Variants in CEP350 observed in about 807,000 individuals in gnomAD.
The protein encoded by CEP350 is centrosome-associated protein 350.
Under a neutral mutation model 331.8 loss-of-function variants are expected in CEP350, and 126 were observed. That is an observed-to-expected ratio of 0.38 (90% CI 0.33 to 0.44). The LOEUF (loss-of-function observed/expected upper bound fraction) is 0.44. CEP350 is among the 20% of genes least tolerant of loss of function. The probability of loss-of-function intolerance (pLI) is 1.00; values close to 1 mark genes in which losing one functional copy is unlikely to be tolerated. For missense variants in CEP350, 3,406 were observed against 3,634.6 expected, an observed-to-expected ratio of 0.94 and a Z score of 1.62; for synonymous variants, 1,200 against 1,259.5, an observed-to-expected ratio of 0.95 and a Z score of 1.00.
At chr1:180,072,870 C>G (rs1445588353) in intron 27 of CEP350, among the ~76,000 whole-genome samples, 1 of 152,180 alleles carries the variant, frequency 6.6e-6, no homozygotes, top group East Asian at 1.9e-4. Flanking sequence ...TTGCCTTGAT[C>G]TACAAGTTAT....
chr1:179,987,337 CTGTTA>C lies in CEP350; in HGVS notation c.120+54_120+58del, dbSNP rs375582060. The C allele has an allele frequency of 2.7e-3, 2,747 of 1,028,994 alleles. 43 individuals are homozygous for C. In the African/African-American group the frequency reaches 0.032, roughly 12 times the overall value. 63.7% of individuals were successfully genotyped at this position (1,028,994 alleles called of 1,614,324 possible). ...TTATTTCTGGATTAAAATCAATTTC[CTGTTA>C]TGATTGAATAGATTAAAATGTTTTC... On this transcript the variant is annotated intron_variant, in intron 3 of 37. Transcript: ENST00000367607.
At chr1:180,063,212 A>C (rs1286551262) in intron 26 of CEP350, among the ~76,000 whole-genome samples, 1 of 121,350 alleles carries the variant, frequency 8.2e-6, no homozygotes. Flanking sequence ...TTTTTTGGAG[A>C]CACGGTCTCA....
rs1661571609 is a variant in CEP350 at position 180,114,067 on chromosome 1, C to T, written c.*2906C>T. The T allele has an allele frequency of 6.6e-6, 1 of 152,300 alleles. No individual in the cohort carries two copies. The highest frequency in any genetic ancestry group is 2.1e-4 in the South Asian group (1 of 4,824). The allele number at this position is 152,300 out of a possible 1,614,324, so 9.4% of individuals were successfully genotyped here. A position where few individuals can be genotyped will look rare whatever the true frequency, so the allele number is the denominator to read the frequency against. On this transcript the variant is annotated 3_prime_UTR_variant, in exon 38 of 38. Transcript: ENST00000367607. ...GGAAGGTAATTTGTTTTTCTTTTACCTAAAAGAAAAGAAAATTCCTTCTGT... is the reference window on the plus strand; with the variant it reads ...GGAAGGTAATTTGTTTTTCTTTTACTTAAAAGAAAAGAAAATTCCTTCTGT...
In CEP350 at chr1:180,112,499, T is replaced by G. The variant is rs2149212716; in HGVS notation, c.*1338T>G. 1 of 152,766 alleles carries G rather than the reference T, an allele frequency of 6.5e-6. No homozygotes were observed. The highest frequency in any genetic ancestry group is 1.9e-4 in the East Asian group (1 of 5,182). The allele number at this position is 152,766 out of a possible 1,614,324, so 9.5% of individuals were successfully genotyped here. ...AATCTATAGACTCCAGCTGCTACATTAGAGCATAAGAGATGCTCTCCTGGG... is the reference window on the plus strand; with the variant it reads ...AATCTATAGACTCCAGCTGCTACATGAGAGCATAAGAGATGCTCTCCTGGG... On this transcript the variant is annotated 3_prime_UTR_variant, in exon 38 of 38. Coordinates refer to ENST00000367607, the MANE Select transcript of CEP350 (RefSeq NM_014810.5).
chr1:179,980,982 A>G (rs1450157298), intron 1 of CEP350, among the ~76,000 whole-genome samples: 14 of 152,198 alleles, frequency 9.2e-5, no homozygotes, highest in Admixed American at 7.2e-4. Flanking sequence ...GAAAGGGCAG[A>G]TTCAATAAAG....
intron 12 of CEP350, 85 bp downstream of exon 12, chr1:180,021,094 C>T (rs1011716803): frequency 7.2e-6 from 9 of 1,257,716 alleles, no homozygotes; most frequent in East Asian, 2.6e-5. Flanking sequence ...TACTTTAGTA[C>T]ACATTTTTCG....
intron 1 of CEP350, among the ~76,000 whole-genome samples, chr1:179,981,069 C>CATTTT (rs1652242083): frequency 6.6e-6 from 1 of 152,090 alleles, no homozygotes; most frequent in South Asian, 2.1e-4. Flanking sequence ...TAAACATAGT[C>CATTTT]ATTTTTTATT....
chr1:180,042,024 A>C (rs1173762067), intron 19 of CEP350, among the ~76,000 whole-genome samples: 3 of 152,098 alleles, frequency 2.0e-5, no homozygotes, highest in Non-Finnish European at 2.9e-5. Flanking sequence ...AGAGCTCTAA[A>C]TTTCTGCCCT....
At chr1:180,065,003 C>A in intron 26 of CEP350, 112 bp from the exon 27 acceptor site, 1 of 1,127,482 alleles carries the variant, frequency 8.9e-7, no homozygotes, top group Non-Finnish European at 1.2e-6. Flanking sequence ...TTATTTTCAA[C>A]TATTGTTATA....
In CEP350 at chr1:180,111,933, G is replaced by C. The variant is rs1321852410; in HGVS notation, c.*772G>C. On this transcript the variant is annotated 3_prime_UTR_variant, in exon 38 of 38. Transcript: ENST00000367607. ...CTCCTGCACTTGTCTTACTCATTCT[G>C]AATCTCTACCAGCTGCTCCCAGAAT... 1 of 152,550 alleles carries C rather than the reference G, an allele frequency of 6.6e-6. No homozygotes were observed. Among genetic ancestry groups the C allele is most frequent in the Non-Finnish European group, 1.5e-5 (1 of 68,034 alleles). The allele number at this position is 152,550 out of a possible 1,614,324, so 9.4% of individuals were successfully genotyped here.
At chr1:180,044,251 T>G in intron 21 of CEP350, 78 bp downstream of exon 21, 2 of 1,351,110 alleles carry the variant, frequency 1.5e-6, no homozygotes, top group Non-Finnish European at 9.8e-7. Context: ...TTCTTTGATT[T>G]CTTAATCTTG....
rs116840049 is a variant in CEP350, at chr1:180,091,667, C to T, written c.6508+871C>T. 6.4e-3 allele frequency among the ~76,000 whole-genome samples: 977 copies of T among 152,108 alleles called. 4 individuals carry two copies. The highest frequency in any genetic ancestry group is 8.1e-3 in the South Asian group (39 of 4,816). The stretch of plus-strand genomic sequence containing the variant: ...GCAATATGGTGAAACTCCATCTCTA[C>T]AAAACATACAAAGTTAGCTGGGCAT... On this transcript the variant is annotated intron_variant, in intron 33 of 37. Transcript: ENST00000367607.
chr1:180,083,508 T>C (rs1472585557), intron 30 of CEP350, among the ~76,000 whole-genome samples: 1 of 151,646 alleles, frequency 6.6e-6, no homozygotes, highest in Non-Finnish European at 1.5e-5. Flanking sequence ...CTTCTCTCTT[T>C]TTAATGTGGT....
At chr1:180,037,858 C>T (rs1291241248) in intron 17 of CEP350, among the ~76,000 whole-genome samples, 1 of 152,086 alleles carries the variant, frequency 6.6e-6, no homozygotes, top group Non-Finnish European at 1.5e-5. Flanking sequence ...ACCATGTTAG[C>T]CAGGATGGTC....
At position 180,022,864 on chromosome 1, in the gene CEP350, A is replaced by G; in HGVS notation, c.3386+16A>G. ...TTGAACCTCAGTAAGATATATTGGC[A>G]ATATGGAATAAACTCTGAAGAGTGA... On this transcript the variant is annotated intron_variant, in intron 13 of 37. Coordinates refer to ENST00000367607, the MANE Select transcript of CEP350 (RefSeq NM_014810.5). 1.3e-6 allele frequency: 2 copies of G among 1,562,442 alleles called. No homozygotes were observed. Among genetic ancestry groups the G allele is most frequent in the Non-Finnish European group, 1.7e-6 (2 of 1,152,270 alleles).
chr1:179,989,537 CTA>C (rs1297729301), intron 3 of CEP350, among the ~76,000 whole-genome samples: 4 of 149,816 alleles, frequency 2.7e-5, no homozygotes, highest in African/African-American at 7.3e-5. Flanking sequence ...TATAAAATGT[CTA>C]TATGTGATGG....
chr1:179,983,016 C>T (rs1190991412), intron 1 of CEP350, among the ~76,000 whole-genome samples: 1 of 151,918 alleles, frequency 6.6e-6, no homozygotes, highest in Non-Finnish European at 1.5e-5. Context: ...GTCTTGATCT[C>T]TTGACCTCAT....
At chr1:180,030,951 C>T (rs1162115707) in intron 14 of CEP350, among the ~76,000 whole-genome samples, 1 of 152,074 alleles carries the variant, frequency 6.6e-6, no homozygotes, top group Non-Finnish European at 1.5e-5. Flanking sequence ...GTTCAATTAG[C>T]AGTTGGTACG....
rs1235507095 is a variant in CEP350, at chr1:180,093,107, A to T, written c.7002A>T (p.Ser2334=). 2 of 1,602,748 alleles carry T rather than the reference A, an allele frequency of 1.2e-6. No individual in the cohort carries two copies. Among genetic ancestry groups the T allele is most frequent in the Non-Finnish European group, 1.7e-6 (2 of 1,173,916 alleles). The part of the protein sequence containing the change: ...KSEEMLKERQ[S]DQDMNHSPNI... ...AGGAAATGTTGAAAGAGAGACAGTC[A>T]GATCAAGATATGAATCATAGTCCAA... The change falls in exon 34 of 38, where the codon TCA becomes TCT. Residue 2334 remains serine (S), a synonymous_variant. Transcript: ENST00000367607.
Sources: gnomAD v4.1 joint callset for allele counts (sites outside exome capture counted in the v4.1 genomes callset) on GRCh38, gnomAD v4.1.1 for gene constraint, MANE v1.5 for transcripts, NCBI Gene and HGNC (gene_info 2026-07-23, HGNC 2026-07-21) for gene names.